Variants in PDE1C observed in about 807,000 individuals in gnomAD.
PDE1C encodes the protein dual specificity calcium/calmodulin-dependent 3',5'-cyclic nucleotide phosphodiesterase 1C.
In PDE1C, 62 loss-of-function variants were observed where a neutral mutation model predicts 93.1. That is an observed-to-expected ratio of 0.67 (90% CI 0.54 to 0.82). The LOEUF is 0.82. PDE1C is among the 40% of genes least tolerant of loss of function. The probability of loss-of-function intolerance (pLI) is 0.00; values close to 1 mark genes in which losing one functional copy is unlikely to be tolerated. For synonymous variants in PDE1C, 325 were observed against 310.1 expected, an observed-to-expected ratio of 1.05 and a Z score of -0.50; for missense variants, 742 against 884.6, an observed-to-expected ratio of 0.84 and a Z score of 2.04.
chr7:32,149,661 G>C (rs1801117642), intron 3 of PDE1C, among the ~76,000 whole-genome samples: 1 of 152,150 alleles, frequency 6.6e-6, no homozygotes, highest in African/African-American at 2.4e-5. Flanking sequence ...TGTTGGGCGG[G>C]TTATAATGGT....
At chr7:31,635,365 G>A in the PDE1C span, among the ~76,000 whole-genome samples, 1 of 152,106 alleles carries the variant, frequency 6.6e-6, no homozygotes, top group Non-Finnish European at 1.5e-5. Context: ...CTCTCAAAAC[G>A]ATTGACATGC....
At chr7:31,701,761 C>T in the PDE1C span, among the ~76,000 whole-genome samples, 2 of 152,214 alleles carry the variant, frequency 1.3e-5, no homozygotes, top group African/African-American at 4.8e-5. Flanking sequence ...TGAGGCAAGC[C>T]TCTCTAAGAC....
intron 1 of PDE1C, among the ~76,000 whole-genome samples, chr7:32,427,510 T>A (rs906756192): frequency 1.3e-5 from 2 of 152,158 alleles, no homozygotes; most frequent in African/African-American, 4.8e-5. Context: ...GGAAAGGTGC[T>A]TCTTTTATCC....
intron 2 of PDE1C, among the ~76,000 whole-genome samples, chr7:32,025,999 A>G (rs1789377727): frequency 6.6e-6 from 1 of 152,100 alleles, no homozygotes. Flanking sequence ...ACAAGCTGCT[A>G]TCAGAAAACA....
the PDE1C span, among the ~76,000 whole-genome samples, chr7:31,619,041 C>T: frequency 6.6e-6 from 1 of 152,190 alleles, no homozygotes; most frequent in Admixed American, 6.5e-5. Context: ...CTGCTCTCTT[C>T]CCTGATTCCA....
At chr7:32,102,955 C>T (rs532000387) in intron 3 of PDE1C, among the ~76,000 whole-genome samples, 1 of 152,286 alleles carries the variant, frequency 6.6e-6, no homozygotes, top group African/African-American at 2.4e-5. Context: ...TGCATGACAA[C>T]CCACATAAAA....
At chr7:31,776,095 TC>T (rs1782940609) in intron 16 of PDE1C, among the ~76,000 whole-genome samples, 1 of 152,204 alleles carries the variant, frequency 6.6e-6, no homozygotes, top group African/African-American at 2.4e-5. Context: ...TTAAAACCCC[TC>T]ATTCTAATGT....
At chr7:32,096,130 G>C (rs907162163) in intron 3 of PDE1C, among the ~76,000 whole-genome samples, 2 of 152,164 alleles carry the variant, frequency 1.3e-5, no homozygotes, top group Admixed American at 1.3e-4. Flanking sequence ...ACAGCAGGCA[G>C]TGTTTCCAAG....
At chr7:31,653,859 C>G in the PDE1C span, among the ~76,000 whole-genome samples, 1 of 151,996 alleles carries the variant, frequency 6.6e-6, no homozygotes, top group Non-Finnish European at 1.5e-5. Flanking sequence ...TTCAGACAGC[C>G]CTGGTTGAGG....
intron 2 of PDE1C, among the ~76,000 whole-genome samples, chr7:31,907,288 C>T (rs1009866176): frequency 3.9e-5 from 6 of 152,058 alleles, no homozygotes; most frequent in African/African-American, 1.4e-4. Context: ...AACATGCAAG[C>T]CTGCCTAGGT....
rs1462794036 is a variant in PDE1C, at chr7:31,986,872, G to A, written c.128+64682C>T. 2.0e-5 allele frequency among the ~76,000 whole-genome samples: 3 copies of A among 151,952 alleles called. No homozygotes were observed. The East Asian group carries it at 5.8e-4, about 29-fold the overall frequency. ...AACATTAGGAAACTAACCAGGAGAG[G>A]GGAAGGTTTTTAGCTGAAAATAGTC... On this transcript the variant is annotated intron_variant, in intron 2 of 17. Transcript: ENST00000396191.
rs756385222 is a variant in PDE1C at position 31,816,055 on chromosome 7, G to C, written c.1682C>G (p.Ser561Cys). 2 of 1,614,016 alleles carry C rather than the reference G, an allele frequency of 1.2e-6. No homozygotes were observed. The highest frequency in any genetic ancestry group is 2.2e-5 in the South Asian group (2 of 91,084). The change falls in exon 15 of 18, where the codon TCT becomes TGT. Residue 561 changes from serine to cysteine, a missense_variant. Transcript: ENST00000396191. ...EAKSQAEEGA[S>C]GKAEKKTSGE... ...AGACGTCTTTTTCTCAGCTTTGCCA[G>C]ATGCGCCTTCTTCAGCCTGGCTTTT...
At chr7:31,694,784 T>G in the PDE1C span, among the ~76,000 whole-genome samples, 11 of 152,218 alleles carry the variant, frequency 7.2e-5, no homozygotes, top group African/African-American at 2.2e-4. Context: ...TTGGATTCAT[T>G]ACCCGTAACG....
At chr7:31,907,534 G>C (rs1452546945) in intron 2 of PDE1C, among the ~76,000 whole-genome samples, 2 of 152,098 alleles carry the variant, frequency 1.3e-5, no homozygotes, top group Admixed American at 1.3e-4. Context: ...ACTATGATAA[G>C]CATCCTTTTG....
In PDE1C at chr7:32,357,489, G is replaced by C. The variant is rs141227410; in HGVS notation, c.310+70333C>G. ...TTCTTTGCTCTGAGCACTAGTTTCA[G>C]AATGGAACCATTTTAACAGGAAACT... is the stretch of plus-strand genomic sequence containing the variant. On this transcript the variant is annotated intron_variant, in intron 1 of 1. Coordinates refer to the PDE1C transcript ENST00000672256. Among the ~76,000 whole-genome samples the C allele has an allele frequency of 1.7e-3, 254 of 152,318 alleles. 2 individuals are homozygous for C. The highest frequency in any genetic ancestry group is 5.8e-3 in the African/African-American group (243 of 41,576).
At chr7:31,994,897 A>G (rs886512943) in intron 2 of PDE1C, among the ~76,000 whole-genome samples, 9 of 152,204 alleles carry the variant, frequency 5.9e-5, no homozygotes, top group Non-Finnish European at 8.8e-5. Flanking sequence ...TTGTTTACCA[A>G]TAAGTCCATA....
At chr7:32,038,769 G>C (rs144599832) in intron 2 of PDE1C, among the ~76,000 whole-genome samples, 26 of 152,182 alleles carry the variant, frequency 1.7e-4, no homozygotes, top group Non-Finnish European at 1.5e-4. Flanking sequence ...CTATGAATCT[G>C]AAGACAAAAA....
At chr7:32,165,288 G>C (rs1438535949) in intron 3 of PDE1C, among the ~76,000 whole-genome samples, 2 of 152,184 alleles carry the variant, frequency 1.3e-5, no homozygotes. Context: ...CACTGTGCTT[G>C]GCTCATTCAC....
chr7:32,275,277 A>G (rs1811205792), intron 1 of PDE1C, among the ~76,000 whole-genome samples: 1 of 151,862 alleles, frequency 6.6e-6, no homozygotes, highest in Admixed American at 6.6e-5. Context: ...ACACTTTGAC[A>G]TGTATTTCCA....
Sources: allele counts gnomAD v4.1 joint callset (sites outside exome capture counted in the v4.1 genomes callset), GRCh38; gene constraint gnomAD v4.1.1; transcripts MANE v1.5; gene names NCBI Gene and HGNC (gene_info 2026-07-23, HGNC 2026-07-21).